CTDSPL2: variants seen among roughly 807,000 people sequenced by gnomAD.
CTDSPL2 encodes CTD small phosphatase like 2.
CTDSPL2 carries 5 observed loss-of-function variants against 60.0 expected under a neutral mutation model. The observed-to-expected ratio is 0.08, with a 90% CI of 0.04 to 0.18. The LOEUF is 0.18. CTDSPL2 is among the 10% of genes least tolerant of loss of function. The pLI is 1.00. For synonymous variants in CTDSPL2, 186 were observed against 189.3 expected, an observed-to-expected ratio of 0.98 and a Z score of 0.14; for missense variants, 370 against 548.8, an observed-to-expected ratio of 0.67 and a Z score of 3.26.
chr15:44,512,768 A>G (rs2081587305), intron 8 of CTDSPL2, among the ~76,000 whole-genome samples: 1 of 152,098 alleles, frequency 6.6e-6, no homozygotes, highest in African/African-American at 2.4e-5. Flanking sequence ...GAGGAGGGGT[A>G]TGTGGTTTAC....
intron 1 of CTDSPL2, among the ~76,000 whole-genome samples, chr15:44,446,425 C>T (rs28728035): frequency 2.1e-4 from 32 of 151,874 alleles, no homozygotes; most frequent in African/African-American, 5.1e-4. Flanking sequence ...GTCAGGTGTT[C>T]GAAACCGCCC....
chr15:44,488,869 C>T (rs1434583751), intron 4 of CTDSPL2, among the ~76,000 whole-genome samples: 3 of 152,070 alleles, frequency 2.0e-5, no homozygotes, highest in Non-Finnish European at 4.4e-5. Flanking sequence ...AATATTTTCC[C>T]CTCATGCTGA....
chr15:44,471,637 A>T (rs1439959992), intron 2 of CTDSPL2, among the ~76,000 whole-genome samples: 1 of 152,204 alleles, frequency 6.6e-6, no homozygotes, highest in Non-Finnish European at 1.5e-5. Context: ...ACTATGTTGT[A>T]TAGTAGTATC....
intron 8 of CTDSPL2, among the ~76,000 whole-genome samples, chr15:44,507,121 G>T (rs2081482844): frequency 6.7e-6 from 1 of 150,202 alleles, no homozygotes; most frequent in African/African-American, 2.5e-5. Flanking sequence ...TCGCTACTCT[G>T]TCGCCCAGGC....
At chr15:44,498,327 C>G (rs2140827729) in intron 7 of CTDSPL2, among the ~76,000 whole-genome samples, 1 of 152,286 alleles carries the variant, frequency 6.6e-6, no homozygotes, top group Non-Finnish European at 1.5e-5. Context: ...TTTATCTTAG[C>G]CAGGCACAGT....
At chr15:44,519,117 C>T (rs1028039546) in intron 10 of CTDSPL2, 52 bp from the exon 11 acceptor site, 2 of 1,277,992 alleles carry the variant, frequency 1.6e-6, no homozygotes, top group African/African-American at 3.1e-5. Context: ...TGTATATGTT[C>T]TACTTTTTAG....
intron 8 of CTDSPL2, among the ~76,000 whole-genome samples, chr15:44,502,489 G>A (rs528933623): frequency 6.6e-6 from 1 of 152,120 alleles, no homozygotes; most frequent in African/African-American, 2.4e-5. Context: ...TTTCTATAAA[G>A]GGCCAGTTGT....
rs1567111026 is a variant in CTDSPL2, at chr15:44,527,266, G to A, written c.*3092G>A. 6.6e-6 allele frequency: 1 copy of A among 151,854 alleles called. No individual in the cohort carries two copies. The highest frequency in any genetic ancestry group is 2.4e-5 in the African/African-American group (1 of 41,196). The allele number at this position is 151,854 out of a possible 1,614,324, so 9.4% of individuals were successfully genotyped here. Reference sequence around the variant, plus strand: ...TACATTGTTTTCTTGTATTTCTCTGGGTTGTTTTTTGTTTTTTTTTCCAAG... The same window carrying A: ...TACATTGTTTTCTTGTATTTCTCTGAGTTGTTTTTTGTTTTTTTTTCCAAG... On this transcript the variant is annotated 3_prime_UTR_variant, in exon 13 of 13. Transcript: ENST00000260327.
At chr15:44,468,505 A>G (rs905374987) in intron 2 of CTDSPL2, among the ~76,000 whole-genome samples, 3 of 151,972 alleles carry the variant, frequency 2.0e-5, no homozygotes, top group Non-Finnish European at 2.9e-5. Flanking sequence ...GATTTCCACT[A>G]TTTTCAGTAT....
chr15:44,506,654 A>G (rs1041728367), intron 8 of CTDSPL2, among the ~76,000 whole-genome samples: 12 of 151,844 alleles, frequency 7.9e-5, no homozygotes, highest in Admixed American at 2.0e-4. Context: ...GGCTCAAGCA[A>G]TCCACCCAGT....
At chr15:44,470,343 A>G (rs577141452) in intron 2 of CTDSPL2, 53 of 152,154 alleles carry the variant, frequency 3.5e-4, no homozygotes, top group African/African-American at 1.3e-3. Flanking sequence ...TTTATTTTGA[A>G]GTTTATTTTA....
chr15:44,507,782 A>G (rs1052837295), intron 8 of CTDSPL2, among the ~76,000 whole-genome samples: 1 of 152,152 alleles, frequency 6.6e-6, no homozygotes, highest in Non-Finnish European at 1.5e-5. Flanking sequence ...ATAGAATCAT[A>G]CTCACTCCAG....
chr15:44,427,986 C>T (rs1044321365), intron 1 of CTDSPL2: 3 of 298,386 alleles, frequency 1.0e-5, no homozygotes, highest in Admixed American at 1.0e-4. Flanking sequence ...AGCTCACTTC[C>T]CGCCAGCTTC....
chr15:44,444,840 T>G (rs1595701128), intron 1 of CTDSPL2, among the ~76,000 whole-genome samples: 2 of 112,942 alleles, frequency 1.8e-5, no homozygotes, highest in Middle Eastern at 3.6e-3. Flanking sequence ...AATGTAGTTT[T>G]TTTTTTTTTT....
chr15:44,497,886 A>C (rs1024618208), intron 7 of CTDSPL2, among the ~76,000 whole-genome samples: 1 of 151,968 alleles, frequency 6.6e-6, no homozygotes, highest in African/African-American at 2.4e-5. Flanking sequence ...AATCTCAGCT[A>C]CTCTGGAGGC....
intron 1 of CTDSPL2, among the ~76,000 whole-genome samples, chr15:44,454,418 C>T (rs187492051): frequency 6.6e-6 from 1 of 152,248 alleles, no homozygotes; most frequent in East Asian, 1.9e-4. Context: ...TGTGCAGAAG[C>T]TCTTTAGTTT....
intron 10 of CTDSPL2, among the ~76,000 whole-genome samples, chr15:44,515,952 TC>T (rs1281476461): frequency 6.6e-6 from 1 of 150,900 alleles, no homozygotes; most frequent in East Asian, 2.0e-4. Context: ...TTTCTTTCTC[TC>T]CTCTCTCTTT....
chr15:44,490,870 A>G lies in CTDSPL2; in HGVS notation c.562A>G (p.Thr188Ala), dbSNP rs765009326. 8.7e-6 allele frequency: 14 copies of G among 1,613,880 alleles called. No individual in the cohort carries two copies. Among genetic ancestry groups the G allele is most frequent in the Non-Finnish European group, 1.2e-5 (14 of 1,179,838 alleles). ...QLDMEQVDEITTSTTTSTNGA... is the reference protein window; with the variant it reads ...QLDMEQVDEIATSTTTSTNGA... The stretch of plus-strand genomic sequence containing the variant: ...TGATATGGAACAGGTGGATGAGATC[A>G]CTACCAGTACTACTACATCAACTAA... Residue 188 changes from threonine (T) to alanine (A), a missense_variant, in exon 5 of 13, where the codon ACT becomes GCT. By Grantham distance (58) the Thr-to-Ala change is moderately conservative. Coordinates refer to ENST00000260327, the MANE Select transcript of CTDSPL2 (RefSeq NM_016396.3).
intron 1 of CTDSPL2, among the ~76,000 whole-genome samples, chr15:44,431,743 A>T (rs2079864396): frequency 1.5e-5 from 2 of 136,398 alleles, no homozygotes; most frequent in Admixed American, 7.7e-5. Context: ...TTTGAGACAG[A>T]GTTTCGCTCT....
Sources: allele counts gnomAD v4.1 joint callset (sites outside exome capture counted in the v4.1 genomes callset), GRCh38; gene constraint gnomAD v4.1.1; transcripts MANE v1.5; gene names NCBI Gene and HGNC (gene_info 2026-07-23, HGNC 2026-07-21).